PTPRT: variants seen among roughly 807,000 people sequenced by gnomAD.
PTPRT encodes receptor-type tyrosine-protein phosphatase T.
In PTPRT, 56 loss-of-function variants were observed where a neutral mutation model predicts 176.8. The ratio of observed to expected loss-of-function variants is 0.32; its 90% CI spans 0.26 to 0.40. The LOEUF is 0.40. Among genes scored for constraint, PTPRT ranks in the 10% least tolerant of loss-of-function variants. PTPRT has a pLI of 1.00. For missense variants in PTPRT, 1,540 were observed against 1,908.2 expected (o/e 0.81, Z 3.60); for synonymous variants, 783 against 739.0 (o/e 1.06, Z -0.96).
chr20:42,877,585 G>C (rs2078954573), intron 2 of PTPRT, among the ~76,000 whole-genome samples: 1 of 152,184 alleles, frequency 6.6e-6, no homozygotes, highest in East Asian at 1.9e-4. Context: ...GTCGCATCAT[G>C]AGAAAGTTCA....
intron 9 of PTPRT, among the ~76,000 whole-genome samples, chr20:42,396,280 T>G (rs1422629698): frequency 2.0e-5 from 3 of 152,186 alleles, no homozygotes; most frequent in Non-Finnish European, 4.4e-5. Context: ...CAAATTCCAT[T>G]GGCTTTATCT....
intron 7 of PTPRT, among the ~76,000 whole-genome samples, chr20:42,501,119 AC>A (rs1019477069): frequency 6.6e-6 from 1 of 151,998 alleles, no homozygotes; most frequent in Non-Finnish European, 1.5e-5. Flanking sequence ...CCCGTCACTA[AC>A]CCCCACAAGG....
chr20:42,678,457 C>T (rs1385023309), intron 6 of PTPRT, among the ~76,000 whole-genome samples: 3 of 152,042 alleles, frequency 2.0e-5, no homozygotes, highest in African/African-American at 7.2e-5. Flanking sequence ...CCTGCCACCA[C>T]GGCTGGTTAA....
chr20:42,058,173 C>T, the PTPRT span, among the ~76,000 whole-genome samples: 1 of 152,160 alleles, frequency 6.6e-6, no homozygotes, highest in Non-Finnish European at 1.5e-5. Flanking sequence ...GAGCACTATT[C>T]CCAGCTCTGA....
At chr20:42,319,140 A>G (rs1350021745) in intron 11 of PTPRT, among the ~76,000 whole-genome samples, 1 of 152,140 alleles carries the variant, frequency 6.6e-6, no homozygotes, top group Non-Finnish European at 1.5e-5. Context: ...TGTCAATTCA[A>G]CCAAGCTCAA....
chr20:42,613,396 T>G (rs2074007445), intron 7 of PTPRT, among the ~76,000 whole-genome samples: 1 of 152,246 alleles, frequency 6.6e-6, no homozygotes, highest in African/African-American at 2.4e-5. Context: ...TAGCAAATGC[T>G]GAATCACTGG....
intron 1 of PTPRT, among the ~76,000 whole-genome samples, chr20:43,061,355 TCTGCCCA>T (rs1987453412): frequency 1.3e-5 from 2 of 152,320 alleles, no homozygotes; most frequent in Admixed American, 1.3e-4. Flanking sequence ...GTGGATGACA[TCTGCCCA>T]CTGCCTCCTT....
chr20:42,056,723 A>G, the PTPRT span, among the ~76,000 whole-genome samples: 1 of 152,228 alleles, frequency 6.6e-6, no homozygotes, highest in Admixed American at 6.5e-5. Flanking sequence ...CACTCATAGC[A>G]TGATGATACA....
rs2077372147 is a variant in PTPRT, at chr20:42,791,334, C to T, written c.347G>A (p.Ser116Asn). ...CACGTAGACGTTCAAGGCCCCTGGG[C>T]TGGACCTGTCACGGCTGGAGAAGTA... ...HYYFSSRDRS[S>N]PGALNVYVKV... Residue 116 changes from serine to asparagine, a missense_variant, in exon 3 of 31, where the codon AGC becomes AAC. This residue lies in a region of PTPRT where 273 missense variants were observed against 432.1 expected (regional missense o/e 0.63). Transcript: ENST00000373187. 1.2e-6 allele frequency: 2 copies of T among 1,614,220 alleles called. No homozygotes were observed. Among genetic ancestry groups the T allele is most frequent in the Non-Finnish European group, 1.7e-6 (2 of 1,180,040 alleles).
At chr20:42,995,416 C>A (rs1313468510) in intron 1 of PTPRT, among the ~76,000 whole-genome samples, 2 of 152,074 alleles carry the variant, frequency 1.3e-5, no homozygotes, top group Non-Finnish European at 2.9e-5. Context: ...GAGTTCTAAT[C>A]CCGTATTTGT....
intron 1 of PTPRT, among the ~76,000 whole-genome samples, chr20:42,975,437 G>A (rs1256472645): frequency 1.3e-5 from 2 of 152,038 alleles, no homozygotes; most frequent in Non-Finnish European, 2.9e-5. Context: ...TCTTATTTTT[G>A]TAATCCATTT....
intron 7 of PTPRT, among the ~76,000 whole-genome samples, chr20:42,648,673 T>G (rs1247662533): frequency 2.0e-5 from 3 of 152,064 alleles, no homozygotes; most frequent in African/African-American, 7.2e-5. Flanking sequence ...TGGAAGGCTA[T>G]GTAAATCATG....
chr20:42,800,248 A>G (rs11697225), intron 2 of PTPRT, among the ~76,000 whole-genome samples: 8,481 of 152,298 alleles, frequency 0.056, 372 homozygotes, highest in East Asian at 0.14. Flanking sequence ...CTAGGAAGTT[A>G]TAATTCTCAT....
At chr20:43,108,475 C>A (rs527495363) in intron 1 of PTPRT, among the ~76,000 whole-genome samples, 3 of 152,030 alleles carry the variant, frequency 2.0e-5, no homozygotes, top group Non-Finnish European at 4.4e-5. Flanking sequence ...CCCACAGCAC[C>A]ATGAGAGATA....
At chr20:42,648,473 G>C (rs2074956667) in intron 7 of PTPRT, among the ~76,000 whole-genome samples, 1 of 152,226 alleles carries the variant, frequency 6.6e-6, no homozygotes, top group East Asian at 1.9e-4. Flanking sequence ...CAGCTGCTAA[G>C]GTTCAGAAGA....
At chr20:42,099,116 A>G (rs527618701) in intron 26 of PTPRT, among the ~76,000 whole-genome samples, 2 of 152,382 alleles carry the variant, frequency 1.3e-5, no homozygotes, top group African/African-American at 2.4e-5. Context: ...CTGGGGTTCA[A>G]GTACAGCTTT....
chr20:42,473,112 C>T (rs1174741429), intron 7 of PTPRT, among the ~76,000 whole-genome samples: 1 of 152,132 alleles, frequency 6.6e-6, no homozygotes, highest in East Asian at 1.9e-4. Flanking sequence ...ATTAACCCTG[C>T]TTTAGGATTT....
intron 1 of PTPRT, among the ~76,000 whole-genome samples, chr20:43,051,910 T>C (rs1987060944): frequency 6.6e-6 from 1 of 152,054 alleles, no homozygotes. Flanking sequence ...AAAACAATTA[T>C]CAAAAAAAAT....
intron 7 of PTPRT, among the ~76,000 whole-genome samples, chr20:42,521,395 C>G (rs972928709): frequency 6.6e-6 from 1 of 152,084 alleles, no homozygotes; most frequent in Non-Finnish European, 1.5e-5. Context: ...TGTTGTACAC[C>G]TAACAGTCTC....
Sources: gnomAD v4.1 joint callset for allele counts (sites outside exome capture counted in the v4.1 genomes callset) on GRCh38, gnomAD v4.1.1 for gene constraint, gnomAD v4.1.1 regional missense constraint, MANE v1.5 for transcripts, NCBI Gene and HGNC (gene_info 2026-07-23, HGNC 2026-07-21) for gene names.